MYO6: variants seen among roughly 807,000 people sequenced by gnomAD.
The protein encoded by MYO6 is myosin VI.
In MYO6, 74 loss-of-function variants were observed where a neutral mutation model predicts 178.7. The ratio of observed to expected loss-of-function variants is 0.41; its 90% confidence interval spans 0.34 to 0.50. The LOEUF (loss-of-function observed/expected upper bound fraction) is 0.50. Ranked by LOEUF, MYO6 falls within the 20% of genes least tolerant of loss-of-function variation. MYO6 has a pLI of 0.09. For missense variants in MYO6, 1,330 were observed against 1,547.4 expected (o/e 0.86, Z 2.36); for synonymous variants, 477 against 504.6 (o/e 0.95, Z 0.73).
intron 1 of MYO6, among the ~76,000 whole-genome samples, chr6:75,762,017 C>T (rs571286485): frequency 1.3e-5 from 2 of 151,674 alleles, no homozygotes; most frequent in South Asian, 2.1e-4. Context: ...CTACAAGCCC[C>T]GCCTGCCAGG....
intron 28 of MYO6, among the ~76,000 whole-genome samples, chr6:75,894,551 G>A (rs553199826): frequency 6.6e-6 from 1 of 151,414 alleles, no homozygotes; most frequent in African/African-American, 2.4e-5. Context: ...ACAAGCATTA[G>A]CACTTCATTA....
chr6:75,854,055 TCTTTA>T (rs1775520059), intron 11 of MYO6, among the ~76,000 whole-genome samples: 1 of 152,156 alleles, frequency 6.6e-6, no homozygotes, highest in African/African-American at 2.4e-5. Context: ...GCACTTTCTT[TCTTTA>T]TAGTACTTTT....
At chr6:75,902,208 A>C (rs1053386084) in intron 30 of MYO6, among the ~76,000 whole-genome samples, 1 of 152,188 alleles carries the variant, frequency 6.6e-6, no homozygotes, top group Non-Finnish European at 1.5e-5. Flanking sequence ...TGTCTCTGCT[A>C]GGCTTTGGTA....
At chr6:75,838,459 A>G (rs140603792) in intron 7 of MYO6, among the ~76,000 whole-genome samples, 105 of 152,260 alleles carry the variant, frequency 6.9e-4, no homozygotes, top group African/African-American at 2.3e-3. Flanking sequence ...GAATGAGTAT[A>G]TTATTAGTAG....
intron 1 of MYO6, among the ~76,000 whole-genome samples, chr6:75,760,654 TAG>T (rs1322653836): frequency 6.6e-6 from 1 of 151,942 alleles, no homozygotes; most frequent in East Asian, 1.9e-4. Context: ...TTGTCTTTTT[TAG>T]AGAGTATGGT....
At chr6:75,839,640 G>T (rs141833279) in intron 7 of MYO6, among the ~76,000 whole-genome samples, 1 of 152,146 alleles carries the variant, frequency 6.6e-6, no homozygotes, top group Non-Finnish European at 1.5e-5. Context: ...GAGTATAAGA[G>T]TAGAATCTAG....
chr6:75,903,889 C>T (rs1255594531), intron 30 of MYO6, among the ~76,000 whole-genome samples: 10 of 151,274 alleles, frequency 6.6e-5, no homozygotes, highest in African/African-American at 9.7e-5. Flanking sequence ...CCATGTTTAG[C>T]GCTTCCTTCA....
At chr6:75,908,425 T>TAAAGAAAAAAAA in intron 31 of MYO6, 71 bp from the exon 32 acceptor site, 1 of 1,464,792 alleles carries the variant, frequency 6.8e-7, no homozygotes, top group Non-Finnish European at 9.5e-7. Context: ...TGCGACAGAA[T>TAAAGAAAAAAAA]AATTATATCA....
At position 75,891,262 on chromosome 6, in the gene MYO6, G is replaced by A. The variant is rs777787346; in HGVS notation, c.2902G>A (p.Glu968Lys). 3 of 1,609,186 alleles carry A rather than the reference G, an allele frequency of 1.9e-6. No individual in the cohort carries two copies. The African/African-American group carries it at 4.0e-5, about 22-fold the overall frequency. ...LEMEAKRKQE[E>K]EERKKREDDE... ...GATGGAAGCAAAGAGAAAACAAGAA[G>A]AAGAAGAGAGAAAGAAAAGGGAAGA... The change falls in exon 27 of 35, where the codon GAA becomes AAA. Residue 968 changes from glutamate (E) to lysine (K), a missense_variant. Transcript: ENST00000369977.
chr6:75,774,455 C>G (rs1426615466), intron 1 of MYO6, among the ~76,000 whole-genome samples: 7 of 152,102 alleles, frequency 4.6e-5, no homozygotes, highest in Admixed American at 3.9e-4. Flanking sequence ...CACTAAATTG[C>G]TGATATTCAT....
At chr6:75,811,988 A>C (rs191083221) in intron 1 of MYO6, among the ~76,000 whole-genome samples, 1 of 152,116 alleles carries the variant, frequency 6.6e-6, no homozygotes, top group African/African-American at 2.4e-5. Context: ...GGTGGAGCTG[A>C]GTTTCAAGCC....
At chr6:75,861,771 A>G (rs773687249) in intron 15 of MYO6, among the ~76,000 whole-genome samples, 2 of 152,190 alleles carry the variant, frequency 1.3e-5, no homozygotes, top group Non-Finnish European at 2.9e-5. Context: ...ACTACTTTAC[A>G]TCAGTATAAA....
At chr6:75,845,134 AATACTTT>A (rs1291923941) in intron 10 of MYO6, among the ~76,000 whole-genome samples, 157 bp downstream of exon 10, 3 of 152,166 alleles carry the variant, frequency 2.0e-5, no homozygotes, top group Non-Finnish European at 4.4e-5. Context: ...GTCACAGTGT[AATACTTT>A]ATACCTCTTG....
chr6:75,811,986 TGA>T (rs1770737891), intron 1 of MYO6, among the ~76,000 whole-genome samples: 1 of 152,108 alleles, frequency 6.6e-6, no homozygotes, highest in African/African-American at 2.4e-5. Context: ...GTGGTGGAGC[TGA>T]GTTTCAAGCC....
At chr6:75,767,170 C>T (rs1243148900) in intron 1 of MYO6, among the ~76,000 whole-genome samples, 2 of 152,066 alleles carry the variant, frequency 1.3e-5, no homozygotes, top group Non-Finnish European at 2.9e-5. Context: ...AGATTACAGG[C>T]GTGCACCACC....
intron 30 of MYO6, 111 bp downstream of exon 30, chr6:75,898,522 T>C (rs181003705): frequency 2.2e-5 from 19 of 860,976 alleles, no homozygotes; most frequent in African/African-American, 1.5e-4. Context: ...AGTCTTTCTA[T>C]GTAAAGTGAT....
At chr6:75,753,788 A>G (rs1777105450) in intron 1 of MYO6, among the ~76,000 whole-genome samples, 1 of 152,194 alleles carries the variant, frequency 6.6e-6, no homozygotes, top group Non-Finnish European at 1.5e-5. Context: ...CAGAGGAACC[A>G]GGATCTTTTC....
chr6:75,814,418 CTT>C (rs1364577945), intron 1 of MYO6, among the ~76,000 whole-genome samples: 2 of 152,074 alleles, frequency 1.3e-5, no homozygotes. Flanking sequence ...TATGAAGATG[CTT>C]TTTTTGGGTG....
At chr6:75,763,642 A>T (rs976631051) in intron 1 of MYO6, among the ~76,000 whole-genome samples, 3 of 152,220 alleles carry the variant, frequency 2.0e-5, no homozygotes, top group African/African-American at 7.2e-5. Flanking sequence ...GCTTATCTAC[A>T]GTAAGAATAA....
Sources: gnomAD v4.1 joint callset for allele counts (sites outside exome capture counted in the v4.1 genomes callset) on GRCh38, gnomAD v4.1.1 for gene constraint, MANE v1.5 for transcripts, NCBI Gene and HGNC (gene_info 2026-07-23, HGNC 2026-07-21) for gene names.